NAPA: variants seen among roughly 807,000 people sequenced by gnomAD.
NAPA encodes NSF attachment protein alpha, also known as alpha-soluble NSF attachment protein.
A neutral mutation model predicts 48.0 loss-of-function variants in NAPA; 18 were observed. The observed-to-expected ratio is 0.38, with a 90% confidence interval of 0.26 to 0.56. The LOEUF (loss-of-function observed/expected upper bound fraction) is 0.56. NAPA is among the 20% of genes least tolerant of loss of function. NAPA has a pLI of 0.77. For missense variants in NAPA, 315 were observed against 385.0 expected (o/e 0.82, Z 1.52); for synonymous variants, 152 against 149.9 (o/e 1.01, Z -0.10).
rs781330825 is a variant in NAPA at position 47,492,966 on chromosome 19, C to T, written c.556G>A (p.Glu186Lys). ...EQYQKAIDIY[E>K]QVGTNAMDSP... ...CCATCCCCACCTGTCCCCACCTGTT[C>T]GTAGATGTCAATGGCCTTCTGATAC... The change falls in exon 7 of 11, where the codon GAA becomes AAA. Residue 186 changes from glutamate (E) to lysine (K), a missense_variant. Physicochemically the swap from Glu to Lys is moderately conservative, Grantham distance 56 (BLOSUM62 1). This residue lies in a region of NAPA where 137 missense variants were observed against 150.1 expected (regional missense o/e 0.91). Coordinates refer to ENST00000263354, the MANE Select transcript of NAPA (RefSeq NM_003827.4). 1.1e-5 allele frequency: 18 copies of T among 1,613,964 alleles called. No homozygotes were observed. The highest frequency in any genetic ancestry group is 3.3e-5 in the South Asian group (3 of 91,062).
At chr19:47,492,609 C>T in intron 7 of NAPA, 1 of 441,552 alleles carries the variant, frequency 2.3e-6, no homozygotes, top group South Asian at 2.0e-5. Flanking sequence ...ACCATCGGGC[C>T]ATGGGGTGGG....
rs1418012337 is a variant in NAPA, at chr19:47,500,732, AGAAC to A, written c.192_195del (p.Phe65AlafsTer39). Reference sequence around the variant, plus strand: ...TGCAGGTGCAGCTGTGCAGCCTGGCAGAACGCGTTTCCAGCAGCTGGAACAGAAG... The same window carrying A: ...TGCAGGTGCAGCTGTGCAGCCTGGCAGCGTTTCCAGCAGCTGGAACAGAAG... On this transcript the variant is annotated frameshift_variant, in exon 3 of 11. Coordinates refer to ENST00000263354, the MANE Select transcript of NAPA (RefSeq NM_003827.4). LOFTEE classifies it high-confidence loss of function. 2.5e-6 allele frequency: 4 copies of A among 1,606,948 alleles called. No homozygotes were observed. Among genetic ancestry groups the A allele is most frequent in the Non-Finnish European group, 3.4e-6 (4 of 1,176,606 alleles).
intron 10 of NAPA, 122 bp from the exon 11 acceptor site, chr19:47,488,511 T>TAG (rs1346474716): frequency 2.9e-6 from 2 of 701,474 alleles, no homozygotes; most frequent in African/African-American, 1.8e-5. Flanking sequence ...TGAGGAGGAG[T>TAG]AGAGGGAGGG....
Position 47,500,711 on chromosome 19 carries a change from G to A in NAPA, c.217C>T (p.Leu73=), listed in dbSNP as rs2122757816. Residue 73 remains leucine, a synonymous_variant, in exon 3 of 11, where the codon CTG becomes TTG. Transcript: ENST00000263354. The part of the protein sequence containing the change: ...NAFCQAAQLH[L]QLQSKHDAAT... ...GCGTCGTGCTTGCTCTGGAGCTGCA[G>A]GTGCAGCTGTGCAGCCTGGCAGAAC... The A allele has an allele frequency of 5.6e-6, 9 of 1,611,770 alleles. No homozygotes were observed. The highest frequency in any genetic ancestry group is 7.6e-6 in the Non-Finnish European group (9 of 1,178,924).
intron 10 of NAPA, 119 bp from the exon 11 acceptor site, chr19:47,488,508 G>T: frequency 4.2e-6 from 3 of 715,342 alleles, no homozygotes; most frequent in South Asian, 3.8e-5. Flanking sequence ...CTCTGAGGAG[G>T]AGTAGAGGGA....
chr19:47,493,491 G>A lies in NAPA; in HGVS notation c.345C>T (p.Gly115=). The part of the protein sequence containing the change: ...MRAIEIYTDM[G]RFTIAAKHHI... ...GGTGCTTGGCCGCAATCGTGAATCG[G>A]CCCTGGAGGGGACACAGGAAGGGGC... Residue 115 remains glycine (G), a splice_region_variant and synonymous_variant, in exon 5 of 11, where the codon GGC becomes GGT. Transcript: ENST00000263354. The surrounding 1 kb of genome is among the most constrained non-coding windows in gnomAD (Gnocchi z 6.4). 1 of 1,613,778 alleles carries A rather than the reference G, an allele frequency of 6.2e-7. No homozygotes were observed. Among genetic ancestry groups the A allele is most frequent in the South Asian group, 1.1e-5 (1 of 91,082 alleles).
At chr19:47,511,354 G>A (rs983085517) in intron 1 of NAPA, among the ~76,000 whole-genome samples, 2 of 152,284 alleles carry the variant, frequency 1.3e-5, no homozygotes, top group African/African-American at 2.4e-5. Context: ...CACAAGCTCC[G>A]GTCAGGCCAG....
intron 4 of NAPA, among the ~76,000 whole-genome samples, chr19:47,494,854 T>C (rs1174904579): frequency 6.6e-6 from 1 of 151,866 alleles, no homozygotes; most frequent in Non-Finnish European, 1.5e-5. Context: ...GCATCTGTCG[T>C]TGGCAACGCG....
At chr19:47,505,757 C>A (rs1000453849) in intron 1 of NAPA, among the ~76,000 whole-genome samples, 1 of 152,154 alleles carries the variant, frequency 6.6e-6, no homozygotes, top group African/African-American at 2.4e-5. Flanking sequence ...CTCCTGAATC[C>A]ACATCACACC....
chr19:47,490,923 G>A, intron 8 of NAPA, 67 bp from the exon 9 acceptor site: 1 of 1,418,380 alleles, frequency 7.1e-7, no homozygotes, highest in Non-Finnish European at 9.9e-7. Context: ...TGGCCTAGCA[G>A]CTGAGGGGAC....
intron 1 of NAPA, among the ~76,000 whole-genome samples, chr19:47,508,680 T>A (rs551457833): frequency 6.1e-4 from 93 of 151,892 alleles, no homozygotes; most frequent in Non-Finnish European, 1.1e-3. Flanking sequence ...TTTTTTTTTT[T>A]AAATAAGAGA....
In NAPA at chr19:47,493,070, G is replaced by T. The variant is rs1968321982; in HGVS notation, c.477-25C>A. 6.2e-7 allele frequency: 1 copy of T among 1,614,100 alleles called. No homozygotes were observed. Among genetic ancestry groups the T allele is most frequent in the South Asian group, 1.1e-5 (1 of 91,080 alleles). On this transcript the variant is annotated intron_variant, in intron 6 of 10. Transcript: ENST00000263354. The surrounding 1 kb of genome is among the most constrained non-coding windows in gnomAD (Gnocchi z 6.4). Reference sequence around the variant, plus strand: ...GCTGTGTGGGGAGGAGTAGTGAGGGGAAGTGGTGGCGGTCCCTGCGGGGCT... The same window carrying T: ...GCTGTGTGGGGAGGAGTAGTGAGGGTAAGTGGTGGCGGTCCCTGCGGGGCT...
chr19:47,504,862 T>C (rs1968663181), intron 1 of NAPA, among the ~76,000 whole-genome samples: 1 of 152,172 alleles, frequency 6.6e-6, no homozygotes, highest in Non-Finnish European at 1.5e-5. Context: ...ATGTTCAGCA[T>C]AGCATTATTT....
intron 2 of NAPA, among the ~76,000 whole-genome samples, chr19:47,502,642 G>T (rs910374620): frequency 6.6e-6 from 1 of 152,124 alleles, no homozygotes; most frequent in Admixed American, 6.5e-5. Context: ...GTCTCTTGCC[G>T]TATTTCCTTA....
chr19:47,513,532 C>T (rs561906989), intron 1 of NAPA, among the ~76,000 whole-genome samples: 1 of 152,308 alleles, frequency 6.6e-6, no homozygotes, highest in South Asian at 2.1e-4. Context: ...GCTCTTGGCA[C>T]TTCTAAGCCA....
intron 1 of NAPA, 108 bp downstream of exon 1, chr19:47,514,735 C>A: frequency 9.5e-7 from 1 of 1,057,670 alleles, no homozygotes. Context: ...GCAGGTTCCT[C>A]TCCGTCCCCT....
At chr19:47,488,452 G>A in intron 10 of NAPA, 63 bp from the exon 11 acceptor site, 1 of 1,360,940 alleles carries the variant, frequency 7.3e-7, no homozygotes, top group South Asian at 1.2e-5. Context: ...GCAGCCCAAG[G>A]GCACTTGTCC....
chr19:47,486,445 T>C (rs1272109445), downstream of NAPA, among the ~76,000 whole-genome samples: 2 of 152,182 alleles, frequency 1.3e-5, no homozygotes, highest in African/African-American at 4.8e-5. Flanking sequence ...TGGATACTTT[T>C]ATTTTTGCAC....
intron 3 of NAPA, among the ~76,000 whole-genome samples, chr19:47,498,714 T>G (rs970479624): frequency 1.3e-5 from 2 of 152,208 alleles, no homozygotes; most frequent in African/African-American, 4.8e-5. Flanking sequence ...CCACTGCACC[T>G]GGCCTTGTGT....
Sources: gnomAD v4.1 joint callset for allele counts (sites outside exome capture counted in the v4.1 genomes callset) on GRCh38, gnomAD v4.1.1 for gene constraint, gnomAD v4.1.1 regional missense constraint, Gnocchi (gnomAD v3.1) non-coding constraint, MANE v1.5 for transcripts, NCBI Gene and HGNC (gene_info 2026-07-23, HGNC 2026-07-21) for gene names.